The following ZFAND2B variants were observed in gnomAD, a reference collection of about 807,000 sequenced individuals.
ZFAND2B encodes the protein AN1-type zinc finger protein 2B.
In ZFAND2B, 27 loss-of-function variants were observed where a neutral mutation model predicts 38.2. That is an observed-to-expected ratio of 0.71 (90% CI 0.52 to 0.97). ZFAND2B has a LOEUF of 0.97. Ranked by LOEUF, ZFAND2B falls within the 50% of genes least tolerant of loss-of-function variation. The pLI, the probability that ZFAND2B is intolerant of heterozygous loss-of-function variation, is 0.00. For missense variants in ZFAND2B, 303 were observed against 331.5 expected, an observed-to-expected ratio of 0.91 and a Z score of 0.67; for synonymous variants, 111 against 119.4, an observed-to-expected ratio of 0.93 and a Z score of 0.46.
Position 219,207,070 on chromosome 2 carries a change from G to A in ZFAND2B, c.55+28G>A, listed in dbSNP as rs745893049. The A allele has an allele frequency of 3.2e-6, 5 of 1,583,016 alleles. No homozygotes were observed. In the African/African-American group the frequency reaches 4.1e-5, roughly 13 times the overall value. Reference sequence around the variant, plus strand: ...GAGGGGCGGAGCGCGCGGGGGGCGGGGCCCAGCGGACAGGGACTTTGAACC... The same window carrying A: ...GAGGGGCGGAGCGCGCGGGGGGCGGAGCCCAGCGGACAGGGACTTTGAACC... On this transcript the variant is annotated intron_variant, in intron 1 of 8. Coordinates refer to ENST00000289528, the MANE Select transcript of ZFAND2B (RefSeq NM_138802.3).
At chr2:219,207,102 T>C (rs113897933) in intron 1 of ZFAND2B, 60 bp downstream of exon 1, 2 of 1,284,748 alleles carry the variant, frequency 1.6e-6, no homozygotes, top group African/African-American at 2.5e-5. Flanking sequence ...AACCGCAGGT[T>C]GGGAGGGAAG....
intron 7 of ZFAND2B, 46 bp from the exon 8 acceptor site, chr2:219,208,931 T>C (rs769506462): frequency 1.3e-6 from 2 of 1,597,076 alleles, no homozygotes; most frequent in South Asian, 2.2e-5. Context: ...GATGTTCAAA[T>C]TTCAGATCTT....
rs1315609005 is a variant in ZFAND2B at position 219,207,926 on chromosome 2, C to G, written c.322C>G (p.Arg108Gly). The G allele has an allele frequency of 6.2e-7, 1 of 1,614,086 alleles. No homozygotes were observed. The highest frequency in any genetic ancestry group is 8.5e-7 in the Non-Finnish European group (1 of 1,180,016). The change falls in exon 4 of 9, where the codon CGA (arginine) becomes GGA (glycine). Residue 108 changes from arginine (R) to glycine (G), a missense_variant. Coordinates refer to ENST00000289528, the MANE Select transcript of ZFAND2B (RefSeq NM_138802.3). Reference sequence around the variant, plus strand: ...GTGTGAACGCGCTGGCTGCCGGCAGCGAGAAATGATGAAACTGACCTGTGA... The same window carrying G: ...GTGTGAACGCGCTGGCTGCCGGCAGGGAGAAATGATGAAACTGACCTGTGA... ...NKCERAGCRQ[R>G]EMMKLTCERC...
At chr2:219,207,118 G>A in intron 1 of ZFAND2B, 76 bp downstream of exon 1, 1 of 1,154,476 alleles carries the variant, frequency 8.7e-7, no homozygotes. Context: ...GGAAGGGTGG[G>A]CTCCCAGGCT....
chr2:219,209,207 T>A, intron 8 of ZFAND2B, 55 bp from the exon 9 acceptor site: 3 of 1,578,810 alleles, frequency 1.9e-6, no homozygotes. Context: ...GGGCTGTCCC[T>A]CATTTCCTTG....
rs1367559816 is a variant in ZFAND2B at position 219,208,616 on chromosome 2, A to G, written c.633A>G (p.Ala211=). 15 of 1,613,954 alleles carry G rather than the reference A, an allele frequency of 9.3e-6. No homozygotes were observed. In the African/African-American group the frequency reaches 1.3e-4, roughly 14 times the overall value. The change falls in exon 7 of 9, where the codon GCA becomes GCG. Residue 211 remains alanine, a synonymous_variant. Coordinates refer to ENST00000289528, the MANE Select transcript of ZFAND2B (RefSeq NM_138802.3). ...ALQRALEMSL[A]ETKPQVPSCQ... Reference sequence around the variant, plus strand: ...AGCGGGCCCTGGAAATGTCCCTGGCAGAAACCAAACCCCAGGTTCCAAGGT... The same window carrying G: ...AGCGGGCCCTGGAAATGTCCCTGGCGGAAACCAAACCCCAGGTTCCAAGGT...
intron 2 of ZFAND2B, 82 bp from the exon 3 acceptor site, chr2:219,207,566 G>A: frequency 1.3e-6 from 2 of 1,596,490 alleles, no homozygotes; most frequent in Non-Finnish European, 8.6e-7. Context: ...TGTTTGTGGT[G>A]GGTCATATCC....
chr2:219,209,424 G>A lies in ZFAND2B; in HGVS notation c.*118G>A. ...GAGGGCAGAGACAAGCGGGAGTGAT[G>A]TGGAGGTCGCCCTGGGAGCCTCTGG... On this transcript the variant is annotated 3_prime_UTR_variant, in exon 9 of 9. Transcript: ENST00000289528. The A allele has an allele frequency of 1.6e-6, 2 of 1,287,592 alleles. No individual in the cohort carries two copies. Among genetic ancestry groups the A allele is most frequent in the African/African-American group, 1.5e-5 (1 of 68,324 alleles). The allele number at this position is 1,287,592 out of a possible 1,614,324, so 79.8% of individuals were successfully genotyped here.
Position 219,207,678 on chromosome 2 carries a change from A to T in ZFAND2B, c.181A>T (p.Asn61Tyr). The change falls in exon 3 of 9, where the codon AAT becomes TAT. Residue 61 changes from asparagine to tyrosine, a missense_variant. Physicochemically the swap from Asn to Tyr is moderately radical, Grantham distance 143 (BLOSUM62 -2). Coordinates refer to ENST00000289528, the MANE Select transcript of ZFAND2B (RefSeq NM_138802.3). ...CCAGGTACCTGTGTGCCCTCTCTGT[A>T]ATGTGCCTGTGCCTGTGGCCAGAGG... ...DIQVPVCPLC[N>Y]VPVPVARGEP... The T allele has an allele frequency of 6.2e-7, 1 of 1,614,146 alleles. No homozygotes were observed. Among genetic ancestry groups the T allele is most frequent in the Non-Finnish European group, 8.5e-7 (1 of 1,180,032 alleles).
At position 219,207,361 on chromosome 2, in the gene ZFAND2B, C is replaced by G. The variant is rs147417935; in HGVS notation, c.90C>G (p.Gly30=). ...CGCTTAAGTGTGATGCCTGCTCAGG[C>G]ATCTTCTGCGCAGACCATGTGGCCT... is the stretch of plus-strand genomic sequence containing the variant. ...FLPLKCDACS[G]IFCADHVAYA... Residue 30 remains glycine (G), a synonymous_variant, in exon 2 of 9, where the codon GGC becomes GGG. Transcript: ENST00000289528. The G allele has an allele frequency of 3.7e-5, 60 of 1,613,886 alleles. No individual in the cohort carries two copies. The African/African-American group carries it at 7.3e-4, about 20-fold the overall frequency.
rs780167460 is a variant in ZFAND2B at position 219,207,389 on chromosome 2, G to A, written c.118G>A (p.Ala40Thr). Residue 40 changes from alanine (A) to threonine (T), a missense_variant, in exon 2 of 9, where the codon GCC becomes ACC. Physicochemically the swap from Ala to Thr is moderately conservative, Grantham distance 58. Transcript: ENST00000289528. ...CTTCTGCGCAGACCATGTGGCCTAC[G>A]CCCAGCATCACTGTGGATCTGCTTA... ...GIFCADHVAY[A>T]QHHCGSAYQK... 16 of 1,612,782 alleles carry A rather than the reference G, an allele frequency of 9.9e-6. No homozygotes were observed. In the East Asian group the frequency reaches 2.7e-4, roughly 27 times the overall value.
Position 219,209,361 on chromosome 2 carries a change from T to A in ZFAND2B, c.*55T>A. On this transcript the variant is annotated 3_prime_UTR_variant, in exon 9 of 9. Transcript: ENST00000289528. ...TGAGGAGGACTGTGGCCCTCACACC[T>A]CTAGGGTACACAGGGAGAGGAGGCC... 6.3e-7 allele frequency: 1 copy of A among 1,587,522 alleles called. No homozygotes were observed. Among genetic ancestry groups the A allele is most frequent in the Non-Finnish European group, 8.6e-7 (1 of 1,165,172 alleles).
chr2:219,206,873 A>C lies in ZFAND2B; in HGVS notation c.-115A>C. 1.7e-6 allele frequency: 2 copies of C among 1,147,596 alleles called. No individual in the cohort carries two copies. The highest frequency in any genetic ancestry group is 2.4e-6 in the Non-Finnish European group (2 of 822,642). The allele number at this position is 1,147,596 out of a possible 1,614,324, so 71.1% of individuals were successfully genotyped here. ...AACCCGGGCTGGGCGGGGGAGAGGA[A>C]GGGGCGGGGCAGGGAGCCCGCCAGA... On this transcript the variant is annotated 5_prime_UTR_variant, in exon 1 of 9. Transcript: ENST00000289528.
chr2:219,208,378 T>G (rs1337042545), intron 5 of ZFAND2B, 30 bp downstream of exon 5: 1 of 1,614,086 alleles, frequency 6.2e-7, no homozygotes, highest in Non-Finnish European at 8.5e-7. Context: ...TGCTCCCCCT[T>G]TTTCCCCTTC....
chr2:219,206,872 A>C lies in ZFAND2B; in HGVS notation c.-116A>C. 8.8e-7 allele frequency: 1 copy of C among 1,139,118 alleles called. No homozygotes were observed. The highest frequency in any genetic ancestry group is 1.2e-6 in the Non-Finnish European group (1 of 814,778). 70.6% of individuals were successfully genotyped at this position (1,139,118 alleles called of 1,614,324 possible). The stretch of plus-strand genomic sequence containing the variant: ...TAACCCGGGCTGGGCGGGGGAGAGG[A>C]AGGGGCGGGGCAGGGAGCCCGCCAG... On this transcript the variant is annotated 5_prime_UTR_variant, in exon 1 of 9. Coordinates refer to ENST00000289528, the MANE Select transcript of ZFAND2B (RefSeq NM_138802.3).
In ZFAND2B at chr2:219,208,657, G is replaced by A. The variant is rs750674053; in HGVS notation, c.656+18G>A. ...GTTCCAAGGTACCTTACCCTCTTGT[G>A]AAAGAGAGCGCAAGCTGTGGGCAAG... On this transcript the variant is annotated intron_variant, in intron 7 of 8. Transcript: ENST00000289528. 1.9e-6 allele frequency: 3 copies of A among 1,613,704 alleles called. No individual in the cohort carries two copies. The South Asian group carries it at 3.3e-5, about 18-fold the overall frequency.
At chr2:219,208,713 A>G (rs530394253) in intron 7 of ZFAND2B, 74 bp downstream of exon 7, 218 of 1,528,828 alleles carry the variant, frequency 1.4e-4, no homozygotes, top group Non-Finnish European at 1.9e-4. Context: ...AGGTGGGACC[A>G]CTCTGACACA....
rs1216556168 is a variant in ZFAND2B, at chr2:219,209,061, G to A, written c.729+12G>A. 6.2e-7 allele frequency: 1 copy of A among 1,614,066 alleles called. No homozygotes were observed. The highest frequency in any genetic ancestry group is 2.2e-5 in the East Asian group (1 of 44,890). ...ACCAGCGGCAGCAGGTATGAGGCTG[G>A]GCTGAAGATATATGCTGCAGTGGAA... On this transcript the variant is annotated intron_variant, in intron 8 of 8. Coordinates refer to ENST00000289528, the MANE Select transcript of ZFAND2B (RefSeq NM_138802.3).
chr2:219,208,666 C>A, intron 7 of ZFAND2B, 27 bp downstream of exon 7: 1 of 1,613,260 alleles, frequency 6.2e-7, no homozygotes, highest in Non-Finnish European at 8.5e-7. Context: ...TGAAAGAGAG[C>A]GCAAGCTGTG....
Sources: gnomAD v4.1 joint callset for allele counts on GRCh38, gnomAD v4.1.1 for gene constraint, MANE v1.5 for transcripts, NCBI Gene and HGNC (gene_info 2026-07-23, HGNC 2026-07-21) for gene names.